The following CPXM2 variants were observed in gnomAD, a reference collection of about 807,000 sequenced individuals.
The protein encoded by CPXM2 is carboxypeptidase X, M14 family member 2.
A neutral mutation model predicts 86.1 loss-of-function variants in CPXM2; 66 were observed. The observed-to-expected ratio is 0.77, with a 90% CI of 0.63 to 0.94. The LOEUF (loss-of-function observed/expected upper bound fraction) is 0.94. CPXM2 is among the 40% of genes least tolerant of loss of function. The probability of loss-of-function intolerance (pLI) is 0.00; values close to 1 mark genes in which losing one functional copy is unlikely to be tolerated. For synonymous variants in CPXM2, 388 were observed against 400.2 expected (o/e 0.97, Z 0.36); for missense variants, 948 against 1,026.3 (o/e 0.92, Z 1.04).
At chr10:123,830,327 T>C (rs1367247624) in intron 4 of CPXM2, among the ~76,000 whole-genome samples, 1 of 152,160 alleles carries the variant, frequency 6.6e-6, no homozygotes, top group Non-Finnish European at 1.5e-5. Flanking sequence ...ATGCTGGAGT[T>C]TCACAGCAAT....
At chr10:123,858,743 G>A (rs999489498) in intron 3 of CPXM2, among the ~76,000 whole-genome samples, 7 of 152,230 alleles carry the variant, frequency 4.6e-5, no homozygotes, top group African/African-American at 1.7e-4. Flanking sequence ...GCTAAAGACT[G>A]AAGCATCTTG....
chr10:123,774,202 G>T (rs1023041582), intron 7 of CPXM2, among the ~76,000 whole-genome samples: 1 of 152,160 alleles, frequency 6.6e-6, no homozygotes, highest in African/African-American at 2.4e-5. Flanking sequence ...CAGGGTGGCC[G>T]GTGGGCAGGT....
intron 3 of CPXM2, among the ~76,000 whole-genome samples, chr10:123,847,622 CA>C (rs1251956582): frequency 6.6e-6 from 1 of 152,032 alleles, no homozygotes; most frequent in African/African-American, 2.4e-5. Context: ...TGATGGTAGT[CA>C]GGGGCCGGGT....
rs901418034 is a variant in CPXM2, at chr10:123,808,723, T to C, written c.654-9524A>G. Among the ~76,000 whole-genome samples, 5 of 152,156 alleles carry C rather than the reference T, an allele frequency of 3.3e-5. No homozygotes were observed. The East Asian group carries it at 7.7e-4, about 23-fold the overall frequency. ...TATTTATACAATTTTTAAAAAATCA[T>C]TAAACCCATAAGAAAATATTCTCCA... On this transcript the variant is annotated intron_variant, in intron 4 of 13. Transcript: ENST00000241305.
At chr10:123,856,048 G>T (rs1216711323) in intron 3 of CPXM2, among the ~76,000 whole-genome samples, 1 of 152,200 alleles carries the variant, frequency 6.6e-6, no homozygotes, top group Non-Finnish European at 1.5e-5. Flanking sequence ...ACCCAGAGCT[G>T]TGCAGGGAGT....
chr10:123,768,901 A>T (rs1240592348), intron 8 of CPXM2, among the ~76,000 whole-genome samples, 179 bp from the exon 9 acceptor site: 1 of 152,224 alleles, frequency 6.6e-6, no homozygotes, highest in Non-Finnish European at 1.5e-5. Flanking sequence ...ATTCCCAGAC[A>T]GTCAGGTATG....
intron 7 of CPXM2, among the ~76,000 whole-genome samples, chr10:123,779,139 C>T (rs1339166368): frequency 6.6e-6 from 1 of 152,226 alleles, no homozygotes; most frequent in East Asian, 1.9e-4. Context: ...CTTGCTGAAT[C>T]CTTGTTCTGT....
At chr10:123,751,946 C>A in intron 13 of CPXM2, 1 of 985,312 alleles carries the variant, frequency 1.0e-6, no homozygotes, top group Non-Finnish European at 1.2e-6. Context: ...AAACTCAGCA[C>A]CCATTAGGCA....
upstream of CPXM2, among the ~76,000 whole-genome samples, chr10:123,893,187 C>A (rs750440395): frequency 1.3e-5 from 2 of 149,208 alleles, no homozygotes; most frequent in Non-Finnish European, 3.0e-5. Context: ...CCATGGAGTG[C>A]GCTACAGGGA....
intron 2 of CPXM2, among the ~76,000 whole-genome samples, chr10:123,897,950 C>T (rs529355564): frequency 6.6e-6 from 1 of 152,320 alleles, no homozygotes. Context: ...ACGGGGCTCT[C>T]TGAAACAGCA....
At chr10:123,757,895 A>G (rs924173531) in intron 11 of CPXM2, among the ~76,000 whole-genome samples, 2 of 152,186 alleles carry the variant, frequency 1.3e-5, no homozygotes, top group Non-Finnish European at 2.9e-5. Flanking sequence ...CAAACCCAGC[A>G]GAGGTAGGCA....
intron 3 of CPXM2, chr10:123,843,401 C>A: frequency 8.6e-6 from 3 of 348,194 alleles, no homozygotes; most frequent in South Asian, 2.3e-5. Context: ...CGTTTATTAA[C>A]CCTATTTTTC....
At chr10:123,750,644 A>T in intron 13 of CPXM2, 1 of 969,258 alleles carries the variant, frequency 1.0e-6, no homozygotes, top group Non-Finnish European at 1.2e-6. Flanking sequence ...TTTAGAGGTC[A>T]TATTTGTTTT....
At chr10:123,905,640 A>G (rs1160131095) in intron 2 of CPXM2, among the ~76,000 whole-genome samples, 1 of 151,910 alleles carries the variant, frequency 6.6e-6, no homozygotes, top group African/African-American at 2.4e-5. Context: ...CCTCCCACCT[A>G]ATGTGACCGT....
At chr10:123,941,580 A>G (rs187121993), upstream of CPXM2, among the ~76,000 whole-genome samples, 41 of 152,394 alleles carry the variant, frequency 2.7e-4, no homozygotes, top group Middle Eastern at 3.4e-3. Context: ...GGATCGCAAC[A>G]TACATTTTTG....
At chr10:123,810,942 G>A (rs960828422) in intron 4 of CPXM2, among the ~76,000 whole-genome samples, 1 of 152,012 alleles carries the variant, frequency 6.6e-6, no homozygotes, top group Non-Finnish European at 1.5e-5. Context: ...TGTATGAATA[G>A]ACAAATTTAT....
chr10:123,900,011 CAT>C (rs1945368038), intron 2 of CPXM2, among the ~76,000 whole-genome samples: 1 of 152,158 alleles, frequency 6.6e-6, no homozygotes, highest in Non-Finnish European at 1.5e-5. Flanking sequence ...AGGCAGATAA[CAT>C]ATTGGGAGAC....
chr10:123,866,502 T>A (rs1590082333), intron 2 of CPXM2, among the ~76,000 whole-genome samples: 1 of 151,544 alleles, frequency 6.6e-6, no homozygotes, highest in Non-Finnish European at 1.5e-5. Context: ...GAGGCGGAGG[T>A]TGCAGTGAGC....
In CPXM2 at chr10:123,797,959, C is replaced by A; in HGVS notation, c.889+17G>T. 6.3e-7 allele frequency: 1 copy of A among 1,581,048 alleles called. No individual in the cohort carries two copies. The highest frequency in any genetic ancestry group is 8.6e-7 in the Non-Finnish European group (1 of 1,164,486). On this transcript the variant is annotated intron_variant, in intron 6 of 13. Coordinates refer to ENST00000241305, the MANE Select transcript of CPXM2 (RefSeq NM_198148.3). ...CAGTGCTCCCACCCTGCAGGAAGCA[C>A]AGGAGGGTGAACTCACCTGGCAGTG...
Sources: allele counts gnomAD v4.1 joint callset (sites outside exome capture counted in the v4.1 genomes callset), GRCh38; gene constraint gnomAD v4.1.1; transcripts MANE v1.5; gene names NCBI Gene and HGNC (gene_info 2026-07-23, HGNC 2026-07-21).